The following RBFOX2 variants were observed in gnomAD, a reference collection of about 807,000 sequenced individuals.
The protein encoded by RBFOX2 is RNA binding protein fox-1 homolog 2.
In RBFOX2, 10 loss-of-function variants were observed where a neutral mutation model predicts 49.1. The ratio of observed to expected loss-of-function variants is 0.20; its 90% CI spans 0.13 to 0.35. RBFOX2 has a LOEUF of 0.35. RBFOX2 is among the 10% of genes least tolerant of loss of function. The pLI is 1.00. For synonymous variants in RBFOX2, 183 were observed against 187.4 expected (o/e 0.98, Z 0.19); for missense variants, 323 against 486.9 (o/e 0.66, Z 3.17).
At position 35,908,844 on chromosome 22, in the gene RBFOX2, A is replaced by T. The variant is rs865895095; in HGVS notation, c.-34+30003T>A. On this transcript the variant is annotated intron_variant, in intron 1 of 13. Coordinates refer to the RBFOX2 transcript ENST00000359369. ...GCCTCTTTCATCCAATTTCTCATCT[A>T]TTTTTTTTTTTTTTTTGAGATGGAG... Among the ~76,000 whole-genome samples, 1,192 of 137,722 alleles carry T rather than the reference A, an allele frequency of 8.7e-3. 9 individuals carry two copies. The highest frequency in any genetic ancestry group is 0.014 in the Non-Finnish European group (858 of 63,104). 90.4% of individuals were successfully genotyped at this position (137,722 alleles called of 152,430 possible). A position where few individuals can be genotyped will look rare whatever the true frequency, so the allele number is the denominator to read the frequency against.
At chr22:35,959,632 T>C (rs1410015441) in intron 1 of RBFOX2, among the ~76,000 whole-genome samples, 2 of 152,212 alleles carry the variant, frequency 1.3e-5, no homozygotes, top group African/African-American at 4.8e-5. Context: ...TACCAGGAAA[T>C]GAAGCTTCTA....
At chr22:35,752,179 CCAATGTGGGATT>C (rs1308147816) in intron 9 of RBFOX2, among the ~76,000 whole-genome samples, 1 of 152,096 alleles carries the variant, frequency 6.6e-6, no homozygotes, top group African/African-American at 2.4e-5. Flanking sequence ...ACTACAGGGC[CCAATGTGGGATT>C]CAGAAATCCT....
At chr22:35,790,271 C>A (rs138454281) in intron 2 of RBFOX2, among the ~76,000 whole-genome samples, 1 of 152,244 alleles carries the variant, frequency 6.6e-6, no homozygotes, top group Admixed American at 6.5e-5. Context: ...TTTTATATTT[C>A]AAGTGAAGAA....
At chr22:35,791,021 AAC>A (rs200161965) in intron 2 of RBFOX2, among the ~76,000 whole-genome samples, 2 of 151,758 alleles carry the variant, frequency 1.3e-5, no homozygotes, top group Admixed American at 1.3e-4. Flanking sequence ...ACAAAAAACA[AAC>A]ACACACACAC....
At position 36,002,409 on chromosome 22, in the gene RBFOX2, C is replaced by T. The variant is rs181035110; in HGVS notation, c.186+25831G>A. On this transcript the variant is annotated intron_variant, in intron 1 of 13. Transcript: ENST00000438146. ...TAAAAAAAACAAACAAAAAAACTTA[C>T]CGTGGGATACTATGTGGTCATTTAA... Among the ~76,000 whole-genome samples the T allele has an allele frequency of 4.4e-4, 67 of 152,268 alleles. No homozygotes were observed. The East Asian group carries it at 9.3e-3, about 21-fold the overall frequency.
At chr22:35,980,782 G>C (rs2057418009) in intron 1 of RBFOX2, among the ~76,000 whole-genome samples, 1 of 152,166 alleles carries the variant, frequency 6.6e-6, no homozygotes, top group Non-Finnish European at 1.5e-5. Context: ...TTACAGTTTA[G>C]CAGGTGGGAC....
chr22:35,957,854 C>T (rs1456156793), intron 1 of RBFOX2, among the ~76,000 whole-genome samples: 1 of 152,146 alleles, frequency 6.6e-6, no homozygotes, highest in East Asian at 1.9e-4. Flanking sequence ...CTCATTATGA[C>T]TAAATATGCC....
intron 1 of RBFOX2, among the ~76,000 whole-genome samples, chr22:35,919,406 G>A (rs1425987456): frequency 3.3e-5 from 5 of 152,144 alleles, no homozygotes; most frequent in African/African-American, 7.2e-5. Context: ...GGTGGCATGC[G>A]CCTGTAGTCC....
At chr22:35,816,468 A>G (rs916650743) in intron 1 of RBFOX2, among the ~76,000 whole-genome samples, 5 of 152,214 alleles carry the variant, frequency 3.3e-5, no homozygotes, top group African/African-American at 1.2e-4. Context: ...CTGGTAAGTT[A>G]GGTAAAAGTA....
At chr22:35,758,821 GA>G (rs1488045122) in intron 9 of RBFOX2, among the ~76,000 whole-genome samples, 1 of 152,032 alleles carries the variant, frequency 6.6e-6, no homozygotes. Context: ...TTTGGTCTAT[GA>G]ATGAATGAAT....
intron 1 of RBFOX2, among the ~76,000 whole-genome samples, chr22:35,899,403 G>A (rs1472835700): frequency 1.3e-5 from 2 of 151,700 alleles, no homozygotes; most frequent in Non-Finnish European, 2.9e-5. Context: ...TTTCTTTTCT[G>A]ATCATAATCT....
At chr22:36,001,038 T>G (rs1484415102) in intron 1 of RBFOX2, among the ~76,000 whole-genome samples, 1 of 152,158 alleles carries the variant, frequency 6.6e-6, no homozygotes, top group African/African-American at 2.4e-5. Context: ...CCCAAGGTTT[T>G]CCCATTAAAG....
intron 1 of RBFOX2, among the ~76,000 whole-genome samples, chr22:35,937,368 C>T (rs2053204675): frequency 6.6e-6 from 1 of 152,110 alleles, no homozygotes; most frequent in Non-Finnish European, 1.5e-5. Flanking sequence ...TTACCAAAAG[C>T]TTCCATCTTC....
intron 1 of RBFOX2, among the ~76,000 whole-genome samples, chr22:35,872,660 G>A (rs1436047002): frequency 6.6e-6 from 1 of 152,166 alleles, no homozygotes; most frequent in Admixed American, 6.5e-5. Context: ...GGCCTGCCAG[G>A]GTGCTGACGT....
At chr22:35,886,635 C>T (rs551658629) in intron 1 of RBFOX2, among the ~76,000 whole-genome samples, 6 of 152,202 alleles carry the variant, frequency 3.9e-5, no homozygotes, top group Admixed American at 6.5e-5. Flanking sequence ...TGTGGGTAAT[C>T]GTAACACAAT....
chr22:35,747,669 C>T (rs998691521), intron 9 of RBFOX2: 5 of 152,288 alleles, frequency 3.3e-5, no homozygotes, highest in Non-Finnish European at 5.9e-5. Context: ...ATCTATTTTA[C>T]CTAAACGTAA....
chr22:35,876,082 T>C (rs1306490406), intron 1 of RBFOX2, among the ~76,000 whole-genome samples: 3 of 152,188 alleles, frequency 2.0e-5, no homozygotes, highest in Non-Finnish European at 2.9e-5. Context: ...TTGTGTCTTA[T>C]AGTGCTGTTC....
At chr22:35,864,961 G>A (rs2043497619) in intron 1 of RBFOX2, among the ~76,000 whole-genome samples, 1 of 152,200 alleles carries the variant, frequency 6.6e-6, no homozygotes. Context: ...GCCCTGCCAA[G>A]ACCTACTTTA....
At chr22:35,741,991 A>G (rs947674848) in exon 12 of RBFOX2, 4 of 152,172 alleles carry the variant, frequency 2.6e-5, no homozygotes, top group African/African-American at 7.2e-5. Context: ...CTGTTTTTTT[A>G]GTCAGCTAAA....
Sources: gnomAD v4.1 joint callset for allele counts (sites outside exome capture counted in the v4.1 genomes callset) on GRCh38, gnomAD v4.1.1 for gene constraint, MANE v1.5 for transcripts, NCBI Gene and HGNC (gene_info 2026-07-23, HGNC 2026-07-21) for gene names.